Variants in SYNDIG1 observed in about 807,000 individuals in gnomAD.
SYNDIG1 encodes the protein synapse differentiation-inducing gene protein 1.
Under a neutral mutation model 19.4 loss-of-function variants are expected in SYNDIG1, and 9 were observed. The observed-to-expected ratio is 0.46, with a 90% confidence interval of 0.28 to 0.81. The LOEUF is 0.81. Ranked by LOEUF, SYNDIG1 falls within the 30% of genes least tolerant of loss-of-function variation. The pLI, the probability that SYNDIG1 is intolerant of heterozygous loss-of-function variation, is 0.12. For missense variants in SYNDIG1, 311 were observed against 343.3 expected, an observed-to-expected ratio of 0.91 and a Z score of 0.74; for synonymous variants, 141 against 145.9, an observed-to-expected ratio of 0.97 and a Z score of 0.24.
chr20:24,593,587 C>T (rs1055416223), intron 3 of SYNDIG1, among the ~76,000 whole-genome samples: 24 of 152,136 alleles, frequency 1.6e-4, no homozygotes, highest in African/African-American at 5.8e-4. Flanking sequence ...TGGTAATTCT[C>T]TTTTAAGTTA....
chr20:24,562,111 C>A (rs1246064799), intron 2 of SYNDIG1, among the ~76,000 whole-genome samples: 2 of 152,106 alleles, frequency 1.3e-5, no homozygotes, highest in Non-Finnish European at 2.9e-5. Flanking sequence ...GTTTCACCTC[C>A]TTATAGTTGC....
At chr20:24,664,419 A>G (rs933295992) in intron 3 of SYNDIG1, among the ~76,000 whole-genome samples, 2 of 152,178 alleles carry the variant, frequency 1.3e-5, no homozygotes, top group African/African-American at 2.4e-5. Context: ...GAGCTAGGAC[A>G]TTCTGCCAGG....
intron 3 of SYNDIG1, among the ~76,000 whole-genome samples, chr20:24,600,858 G>A (rs2058669542): frequency 2.6e-5 from 4 of 152,020 alleles, no homozygotes; most frequent in African/African-American, 9.7e-5. Context: ...CAGGCTATCT[G>A]CCTGCCTTGG....
intron 1 of SYNDIG1, among the ~76,000 whole-genome samples, chr20:24,501,533 C>T (rs1405389695): frequency 6.6e-6 from 1 of 152,196 alleles, no homozygotes; most frequent in Non-Finnish European, 1.5e-5. Flanking sequence ...AGAGTAGGGA[C>T]TGGGGACAGA....
chr20:24,660,939 A>C (rs2147399247), intron 3 of SYNDIG1, among the ~76,000 whole-genome samples: 1 of 152,298 alleles, frequency 6.6e-6, no homozygotes, highest in Non-Finnish European at 1.5e-5. Context: ...CCAGGTAGGA[A>C]CCGGCTGGTC....
intron 3 of SYNDIG1, among the ~76,000 whole-genome samples, chr20:24,632,343 G>T (rs1367660450): frequency 6.6e-6 from 1 of 152,204 alleles, no homozygotes; most frequent in Non-Finnish European, 1.5e-5. Flanking sequence ...AGGTTCAAGT[G>T]ATTCTTGTGC....
intron 3 of SYNDIG1, among the ~76,000 whole-genome samples, chr20:24,618,184 A>C (rs1456786605): frequency 5.4e-5 from 1 of 18,684 alleles, no homozygotes. Flanking sequence ...ACCCTGGGGA[A>C]GGGGGAGAGC....
At chr20:24,637,811 G>C (rs191150845) in intron 3 of SYNDIG1, among the ~76,000 whole-genome samples, 2 of 152,194 alleles carry the variant, frequency 1.3e-5, no homozygotes, top group South Asian at 4.1e-4. Context: ...TAGTTGGCTG[G>C]TGTAGACCAC....
At chr20:24,499,634 GAGTC>G (rs146928219) in intron 1 of SYNDIG1, among the ~76,000 whole-genome samples, 140 of 152,306 alleles carry the variant, frequency 9.2e-4, no homozygotes, top group Non-Finnish European at 1.6e-3. Context: ...TGTACGGACT[GAGTC>G]GGTCGGTACC....
intron 1 of SYNDIG1, among the ~76,000 whole-genome samples, chr20:24,510,633 A>G (rs1052145049): frequency 5.3e-5 from 8 of 151,356 alleles, no homozygotes; most frequent in Middle Eastern, 3.4e-3. Context: ...TGTCTTTTGT[A>G]TTGTATAGTT....
chr20:24,624,035 G>A (rs1224199177), intron 3 of SYNDIG1, among the ~76,000 whole-genome samples: 5 of 152,094 alleles, frequency 3.3e-5, no homozygotes, highest in African/African-American at 4.8e-5. Context: ...GGCCAAGGCC[G>A]ACGAATCACG....
intron 1 of SYNDIG1, among the ~76,000 whole-genome samples, chr20:24,487,064 G>T (rs1467871545): frequency 2.6e-4 from 39 of 151,830 alleles, no homozygotes; most frequent in African/African-American, 9.2e-4. Context: ...GAGAGGGTCG[G>T]TGGATGTGGG....
chr20:24,474,512 C>T (rs1452722338), intron 1 of SYNDIG1, among the ~76,000 whole-genome samples: 9 of 152,118 alleles, frequency 5.9e-5, no homozygotes, highest in Non-Finnish European at 8.8e-5. Flanking sequence ...CCTGTTTAGT[C>T]GCATAAAAAG....
At chr20:24,625,516 CAG>C (rs2059111477) in intron 3 of SYNDIG1, among the ~76,000 whole-genome samples, 2 of 151,208 alleles carry the variant, frequency 1.3e-5, no homozygotes, top group South Asian at 4.2e-4. Flanking sequence ...TTTTCCTAGG[CAG>C]AGTGTTTGTG....
intron 3 of SYNDIG1, among the ~76,000 whole-genome samples, chr20:24,608,193 ATT>A (rs11481343): frequency 2.7e-5 from 4 of 147,798 alleles, no homozygotes; most frequent in Non-Finnish European, 6.0e-5. Context: ...ATTATCTCCT[ATT>A]TTTTTTTTTT....
At chr20:24,475,740 A>G (rs1022795281) in intron 1 of SYNDIG1, among the ~76,000 whole-genome samples, 7 of 152,216 alleles carry the variant, frequency 4.6e-5, no homozygotes, top group African/African-American at 1.7e-4. Flanking sequence ...GCTTTCAGAC[A>G]TCTCTTGCCT....
intron 1 of SYNDIG1, among the ~76,000 whole-genome samples, chr20:24,480,046 C>T (rs1361772567): frequency 6.6e-6 from 1 of 152,200 alleles, no homozygotes; most frequent in Non-Finnish European, 1.5e-5. Context: ...CCACACCTCC[C>T]CCACCTGCAG....
At chr20:24,591,255 G>A (rs1003109689) in intron 3 of SYNDIG1, among the ~76,000 whole-genome samples, 4 of 152,054 alleles carry the variant, frequency 2.6e-5, no homozygotes, top group African/African-American at 7.2e-5. Flanking sequence ...TTAGCTGAGC[G>A]TGGTGGCTCA....
At chr20:24,590,508 C>T (rs1008925453) in intron 3 of SYNDIG1, among the ~76,000 whole-genome samples, 26 of 152,092 alleles carry the variant, frequency 1.7e-4, no homozygotes, top group African/African-American at 6.3e-4. Flanking sequence ...GCGACGACGG[C>T]AGTGGTCAAA....
Sources: gnomAD v4.1 joint callset for allele counts (sites outside exome capture counted in the v4.1 genomes callset) on GRCh38, gnomAD v4.1.1 for gene constraint, MANE v1.5 for transcripts, NCBI Gene and HGNC (gene_info 2026-07-23, HGNC 2026-07-21) for gene names.